The following CAPRIN1 variants were observed in gnomAD, a reference collection of about 807,000 sequenced individuals.
The protein encoded by CAPRIN1 is cell cycle associated protein 1.
A neutral mutation model predicts 100.9 loss-of-function variants in CAPRIN1; 29 were observed. That is an observed-to-expected ratio of 0.29 (90% CI 0.21 to 0.39). The LOEUF (loss-of-function observed/expected upper bound fraction) is 0.39, where lower values mean the gene tolerates loss of function less well. Ranked by LOEUF, CAPRIN1 falls within the 10% of genes least tolerant of loss-of-function variation. The probability of loss-of-function intolerance (pLI) is 1.00; values close to 1 mark genes in which losing one functional copy is unlikely to be tolerated. For missense variants in CAPRIN1, 795 were observed against 876.7 expected, an observed-to-expected ratio of 0.91 and a Z score of 1.18; for synonymous variants, 338 against 307.5, an observed-to-expected ratio of 1.10 and a Z score of -1.04.
chr11:34,091,886 T>C lies in CAPRIN1; in HGVS notation c.1555-20T>C. On this transcript the variant is annotated intron_variant, in intron 14 of 18. Coordinates refer to ENST00000341394, the MANE Select transcript of CAPRIN1 (RefSeq NM_005898.5). Reference sequence around the variant, plus strand: ...AGAGAATAAAAGGATGAACTAATCATTTACTTTATTTACTAACAGGTGTTC... The same window carrying C: ...AGAGAATAAAAGGATGAACTAATCACTTACTTTATTTACTAACAGGTGTTC... 6.3e-7 allele frequency: 1 copy of C among 1,597,512 alleles called. No homozygotes were observed. Among genetic ancestry groups the C allele is most frequent in the Non-Finnish European group, 8.5e-7 (1 of 1,173,106 alleles).
intron 16 of CAPRIN1, 46 bp from the exon 17 acceptor site, chr11:34,097,150 C>T (rs1192425388): frequency 7.3e-7 from 1 of 1,362,812 alleles, no homozygotes; most frequent in African/African-American, 1.4e-5. Context: ...GTAAAAATTC[C>T]TTGTGAAGAT....
intron 7 of CAPRIN1, among the ~76,000 whole-genome samples, chr11:34,080,182 C>A (rs529772354): frequency 6.6e-6 from 1 of 152,238 alleles, no homozygotes; most frequent in South Asian, 2.1e-4. Context: ...CTCGGCCTCC[C>A]AAAGTGCTGA....
At chr11:34,086,987 T>C (rs1334715659) in intron 11 of CAPRIN1, among the ~76,000 whole-genome samples, 1 of 152,206 alleles carries the variant, frequency 6.6e-6, no homozygotes, top group Non-Finnish European at 1.5e-5. Context: ...TAAGGGAATA[T>C]GTAAGAGGCA....
At chr11:34,064,519 G>T (rs1315608629) in intron 2 of CAPRIN1, among the ~76,000 whole-genome samples, 2 of 152,200 alleles carry the variant, frequency 1.3e-5, no homozygotes, top group Non-Finnish European at 2.9e-5. Context: ...TATCATGGAA[G>T]GCCACTTAAG....
chr11:34,059,265 A>T (rs1248589924), intron 2 of CAPRIN1, among the ~76,000 whole-genome samples: 5 of 149,966 alleles, frequency 3.3e-5, no homozygotes, highest in Admixed American at 6.6e-5. Flanking sequence ...ACACTTCTTG[A>T]CATTGTTTTT....
chr11:34,069,644 T>C (rs964703662), intron 2 of CAPRIN1, among the ~76,000 whole-genome samples: 5 of 150,722 alleles, frequency 3.3e-5, no homozygotes, highest in African/African-American at 1.2e-4. Context: ...GTCTGTCATA[T>C]CAGTGTAAAA....
chr11:34,061,242 T>C (rs1314098536), intron 2 of CAPRIN1, among the ~76,000 whole-genome samples: 1 of 150,906 alleles, frequency 6.6e-6, no homozygotes. Flanking sequence ...GTTTTGCTTT[T>C]GTTGCCCAGG....
chr11:34,071,246 A>G (rs577638461), intron 2 of CAPRIN1, among the ~76,000 whole-genome samples: 2 of 152,218 alleles, frequency 1.3e-5, no homozygotes, highest in South Asian at 2.1e-4. Context: ...TCATTCAGCA[A>G]TGGTTGGAGT....
Position 34,086,355 on chromosome 11 carries a change from T to A in CAPRIN1, c.1173T>A (p.Ser391=). Residue 391 remains serine (S), a synonymous_variant, in exon 11 of 19, where the codon TCT becomes TCA. Transcript: ENST00000341394. ...ENQTLDPAIV[S]AQPMNPTQNM... is the part of the protein sequence containing the mutation. ...AGACACTTGATCCTGCCATTGTATC[T>A]GCACAGCCTATGAATCCAACACAAA... is the stretch of plus-strand genomic sequence containing the variant. 6.2e-7 allele frequency: 1 copy of A among 1,614,122 alleles called. No homozygotes were observed. The highest frequency in any genetic ancestry group is 8.5e-7 in the Non-Finnish European group (1 of 1,179,970).
At chr11:34,061,126 G>GGCT (rs1441661991) in intron 2 of CAPRIN1, among the ~76,000 whole-genome samples, 1 of 151,142 alleles carries the variant, frequency 6.6e-6, no homozygotes, top group Admixed American at 6.6e-5. Context: ...TTGGACAAAC[G>GGCT]GCTTGTGAAA....
intron 7 of CAPRIN1, among the ~76,000 whole-genome samples, chr11:34,081,638 T>A (rs531256596): frequency 1.5e-4 from 23 of 151,946 alleles, no homozygotes; most frequent in African/African-American, 5.1e-4. Context: ...GGATTACAGG[T>A]GCATGGCACC....
chr11:34,052,873 C>T, intron 2 of CAPRIN1: 9 of 1,392,332 alleles, frequency 6.5e-6, no homozygotes, highest in South Asian at 1.6e-5. Context: ...TACCCCAGGC[C>T]TCTTTATTAC....
chr11:34,082,783 C>T lies in CAPRIN1; in HGVS notation c.827-42C>T, dbSNP rs550518721. ...ACACAGAGTAGAGTAGTATCACTGA[C>T]CTAAAAATCCTTTTGTTTTGCACCA... On this transcript the variant is annotated intron_variant, in intron 7 of 18. Coordinates refer to ENST00000341394, the MANE Select transcript of CAPRIN1 (RefSeq NM_005898.5). 314 of 1,503,608 alleles carry T rather than the reference C, an allele frequency of 2.1e-4. 2 individuals carry two copies. In the South Asian group the frequency reaches 3.4e-3, roughly 16 times the overall value. The allele number at this position is 1,503,608 out of a possible 1,614,324, so 93.1% of individuals were successfully genotyped here. A position where few individuals can be genotyped will look rare whatever the true frequency, so the allele number is the denominator to read the frequency against.
chr11:34,091,291 T>C (rs559420276), intron 14 of CAPRIN1, among the ~76,000 whole-genome samples: 7 of 152,270 alleles, frequency 4.6e-5, no homozygotes, highest in African/African-American at 9.6e-5. Flanking sequence ...GTTTGTCTTA[T>C]TTATTTATTT....
intron 2 of CAPRIN1, among the ~76,000 whole-genome samples, chr11:34,057,085 T>C (rs1156587727): frequency 6.6e-6 from 1 of 152,244 alleles, no homozygotes. Flanking sequence ...GTTCAGTGTT[T>C]TAAAATAAAA....
chr11:34,052,766 G>A, intron 2 of CAPRIN1, 130 bp downstream of exon 2: 3 of 1,398,166 alleles, frequency 2.1e-6, no homozygotes, highest in Non-Finnish European at 2.9e-6. Context: ...CCCACCCCCT[G>A]GCCCACACGC....
intron 1 of CAPRIN1, 108 bp from the exon 2 acceptor site, chr11:34,052,313 G>T: frequency 1.1e-6 from 1 of 950,738 alleles, no homozygotes. Flanking sequence ...CGCTCGCGTA[G>T]GCTACCGCTC....
At chr11:34,092,080 T>C (rs1420554602) in intron 15 of CAPRIN1, 24 bp downstream of exon 15, 2 of 1,609,212 alleles carry the variant, frequency 1.2e-6, no homozygotes, top group East Asian at 2.2e-5. Context: ...TGTCACCTCA[T>C]TGGCTCCTTG....
intron 2 of CAPRIN1, among the ~76,000 whole-genome samples, chr11:34,068,017 G>T (rs550760760): frequency 1.1e-4 from 16 of 152,150 alleles, no homozygotes; most frequent in Non-Finnish European, 1.8e-4. Context: ...CAAAGATTCT[G>T]CCTGTCAGGG....
Sources: allele counts gnomAD v4.1 joint callset (sites outside exome capture counted in the v4.1 genomes callset), GRCh38; gene constraint gnomAD v4.1.1; transcripts MANE v1.5; gene names NCBI Gene and HGNC (gene_info 2026-07-23, HGNC 2026-07-21).